The following GLIPR1 variants were observed in gnomAD, a reference collection of about 807,000 sequenced individuals.
GLIPR1 encodes GLI pathogenesis related 1.
Under a neutral mutation model 30.3 loss-of-function variants are expected in GLIPR1, and 38 were observed. That is an observed-to-expected ratio of 1.26 (90% CI 0.97 to 1.65). The LOEUF (loss-of-function observed/expected upper bound fraction) is 1.65. Among genes scored for constraint, GLIPR1 ranks in the 40% most tolerant of loss-of-function variants. The probability of loss-of-function intolerance (pLI) is 0.00; values close to 1 mark genes in which losing one functional copy is unlikely to be tolerated. For missense variants in GLIPR1, 285 were observed against 326.5 expected, an observed-to-expected ratio of 0.87 and a Z score of 0.98; for synonymous variants, 122 against 110.6, an observed-to-expected ratio of 1.10 and a Z score of -0.65.
chr12:75,490,457 A>C lies in GLIPR1; in HGVS notation c.472A>C (p.Lys158Gln). 1 of 1,595,828 alleles carries C rather than the reference A, an allele frequency of 6.3e-7. No homozygotes were observed. The highest frequency in any genetic ancestry group is 8.6e-7 in the Non-Finnish European group (1 of 1,169,440). ...TGGCTGCGCAGTTCAATTTTGCCCT[A>C]AAGTTTCTGGCTTTGACGCTCTTTC... ...KVGCAVQFCPKVSGFDALSNG... is the reference protein window; with the variant it reads ...KVGCAVQFCPQVSGFDALSNG... The change falls in exon 3 of 6, where the codon AAA (lysine) becomes CAA (glutamine). Residue 158 changes from lysine to glutamine, a missense_variant. Transcript: ENST00000266659.
At position 75,501,851 on chromosome 12, in the gene GLIPR1, G is replaced by C; in HGVS notation, c.*2873G>C. The C allele has an allele frequency of 1.3e-6, 2 of 1,566,618 alleles. No homozygotes were observed. Among genetic ancestry groups the C allele is most frequent in the South Asian group, 2.3e-5 (2 of 88,764 alleles). ...TAAATAAAAAATATATCAGTTAAATGTATTTATAGTTAAATAATTCAAGTA... is the reference window on the plus strand; with the variant it reads ...TAAATAAAAAATATATCAGTTAAATCTATTTATAGTTAAATAATTCAAGTA... On this transcript the variant is annotated 3_prime_UTR_variant, in exon 6 of 6. Coordinates refer to ENST00000266659, the MANE Select transcript of GLIPR1 (RefSeq NM_006851.3).
At position 75,482,063 on chromosome 12, in the gene GLIPR1, G is replaced by C. The variant is rs1249408984; in HGVS notation, c.404G>C (p.Cys135Ser). The C allele has an allele frequency of 6.2e-7, 1 of 1,613,842 alleles. No homozygotes were observed. The highest frequency in any genetic ancestry group is 1.7e-5 in the Admixed American group (1 of 60,018). ...AAGACTCGGATATGCAAAAAAGTCT[G>C]TGGCCACTACACTCAGGTAAGGATC... ...DFKTRICKKV[C>S]GHYTQVVWAD... Residue 135 changes from cysteine to serine, a missense_variant, in exon 2 of 6, where the codon TGT becomes TCT. Coordinates refer to ENST00000266659, the MANE Select transcript of GLIPR1 (RefSeq NM_006851.3).
chr12:75,490,691 T>C (rs956660649), intron 3 of GLIPR1, among the ~76,000 whole-genome samples, 173 bp downstream of exon 3: 1 of 151,824 alleles, frequency 6.6e-6, no homozygotes, highest in Non-Finnish European at 1.5e-5. Flanking sequence ...ATATACTTAA[T>C]TAACATTCTG....
intron 4 of GLIPR1, chr12:75,497,769 G>C (rs2046360161): frequency 6.6e-6 from 1 of 152,100 alleles, no homozygotes; most frequent in African/African-American, 2.4e-5. Flanking sequence ...AAATACCCTT[G>C]GAGGCCAAAT....
At chr12:75,486,476 T>C (rs2046294507) in intron 2 of GLIPR1, among the ~76,000 whole-genome samples, 1 of 152,206 alleles carries the variant, frequency 6.6e-6, no homozygotes. Flanking sequence ...CCTCATTTAA[T>C]AGATAAGGAA....
chr12:75,499,987 T>G lies in GLIPR1; in HGVS notation c.*1009T>G. 1 of 1,514,958 alleles carries G rather than the reference T, an allele frequency of 6.6e-7. No individual in the cohort carries two copies. The highest frequency in any genetic ancestry group is 1.4e-5 in the African/African-American group (1 of 70,360). 93.8% of individuals were successfully genotyped at this position (1,514,958 alleles called of 1,614,324 possible). On this transcript the variant is annotated 3_prime_UTR_variant, in exon 6 of 6. Coordinates refer to ENST00000266659, the MANE Select transcript of GLIPR1 (RefSeq NM_006851.3). ...TAAAAGCACAACACATGTAATACTT[T>G]AGATTTTACCAAGTAAAACAAAGAA...
At chr12:75,495,414 G>T (rs1486050585) in intron 3 of GLIPR1, 163 bp from the exon 4 acceptor site, 1 of 570,286 alleles carries the variant, frequency 1.8e-6, no homozygotes, top group Non-Finnish European at 3.2e-6. Context: ...GCAAATATTA[G>T]CAGCCTTCCA....
chr12:75,497,221 A>G (rs1257845544), intron 4 of GLIPR1: 1 of 152,184 alleles, frequency 6.6e-6, no homozygotes. Flanking sequence ...TTAAAAATCT[A>G]GGCAATTAGT....
Position 75,480,998 on chromosome 12 carries a change from A to G in GLIPR1, c.118A>G (p.Ile40Val), listed in dbSNP as rs144436831. The change falls in exon 1 of 6, where the codon ATC becomes GTC. Residue 40 changes from isoleucine (I) to valine (V), a missense_variant. Coordinates refer to ENST00000266659, the MANE Select transcript of GLIPR1 (RefSeq NM_006851.3). ...AGATTTCATCAAAGACTGCGTTCGAATCCATAACAAGTTCCGATCAGAGGT... is the reference window on the plus strand; with the variant it reads ...AGATTTCATCAAAGACTGCGTTCGAGTCCATAACAAGTTCCGATCAGAGGT... ...NEDFIKDCVR[I>V]HNKFRSEVKP... 4.5e-5 allele frequency: 73 copies of G among 1,614,050 alleles called. No individual in the cohort carries two copies. The African/African-American group carries it at 9.2e-4, about 20-fold the overall frequency.
At chr12:75,487,418 T>C (rs1199995560) in intron 2 of GLIPR1, among the ~76,000 whole-genome samples, 1 of 152,206 alleles carries the variant, frequency 6.6e-6, no homozygotes, top group African/African-American at 2.4e-5. Flanking sequence ...TTAACAACCC[T>C]TATAAAACTG....
Position 75,502,040 on chromosome 12 carries a change from T to C in GLIPR1, c.*3062T>C, listed in dbSNP as rs2046398184. The C allele has an allele frequency of 1.3e-6, 2 of 1,524,052 alleles. No homozygotes were observed. The highest frequency in any genetic ancestry group is 2.3e-5 in the East Asian group (1 of 44,324). 94.4% of individuals were successfully genotyped at this position (1,524,052 alleles called of 1,614,324 possible). On this transcript the variant is annotated 3_prime_UTR_variant, in exon 6 of 6. Transcript: ENST00000266659. Reference sequence around the variant, plus strand: ...ATTTACAATTACATCAGAAATAATGTAGAGGAGAAGTCATGTCCTAAGCAA... The same window carrying C: ...ATTTACAATTACATCAGAAATAATGCAGAGGAGAAGTCATGTCCTAAGCAA...
At chr12:75,481,234 G>C in intron 1 of GLIPR1, 180 bp downstream of exon 1, 1 of 437,614 alleles carries the variant, frequency 2.3e-6, no homozygotes, top group Non-Finnish European at 4.0e-6. Flanking sequence ...CCCAACTGTT[G>C]TTATAAGCAA....
At chr12:75,485,158 C>A (rs1019051444) in intron 2 of GLIPR1, among the ~76,000 whole-genome samples, 1 of 152,154 alleles carries the variant, frequency 6.6e-6, no homozygotes. Flanking sequence ...CTTCAAAAAT[C>A]GAGCTATTTG....
chr12:75,484,279 A>G (rs11180547), intron 2 of GLIPR1: 49,792 of 152,076 alleles, frequency 0.33, 8,861 homozygotes, highest in East Asian at 0.46. Context: ...GGGAAGATAG[A>G]GCAGCAGCAA....
intron 1 of GLIPR1, 164 bp downstream of exon 1, chr12:75,481,218 TGTCTA>T (rs1245373447): frequency 2.0e-6 from 1 of 504,262 alleles, no homozygotes; most frequent in African/African-American, 2.0e-5. Flanking sequence ...AGTTTAGCTC[TGTCTA>T]CCCAACTGTT....
intron 4 of GLIPR1, 200 bp from the exon 5 acceptor site, chr12:75,498,494 G>GT: frequency 1.9e-6 from 1 of 521,392 alleles, no homozygotes; most frequent in East Asian, 3.0e-5. Flanking sequence ...GGTTTATAAA[G>GT]TTTATGTAAA....
intron 1 of GLIPR1, 143 bp from the exon 2 acceptor site, chr12:75,481,691 C>A: frequency 1.4e-6 from 1 of 720,046 alleles, no homozygotes; most frequent in Non-Finnish European, 2.4e-6. Context: ...CTACTCAGTG[C>A]TTGAAGACCA....
rs569157020 is a variant in GLIPR1, at chr12:75,498,662, AT to A, written c.620-24del. The A allele has an allele frequency of 1.5e-4, 239 of 1,585,560 alleles. 1 individual carries two copies. The highest frequency in any genetic ancestry group is 6.4e-4 in the South Asian group (58 of 90,472). ...ACTCTCAACTGTGTCTACCCTTTTA[AT>A]TTTTTTTCTTTCTTCCCCCTAACTT... On this transcript the variant is annotated intron_variant, in intron 4 of 5. Coordinates refer to ENST00000266659, the MANE Select transcript of GLIPR1 (RefSeq NM_006851.3).
At chr12:75,491,834 T>C (rs1291837325) in intron 3 of GLIPR1, 1 of 152,180 alleles carries the variant, frequency 6.6e-6, no homozygotes, top group Non-Finnish European at 1.5e-5. Flanking sequence ...ATTTGCAATA[T>C]ATATAATGAT....
Sources: allele counts gnomAD v4.1 joint callset (sites outside exome capture counted in the v4.1 genomes callset), GRCh38; gene constraint gnomAD v4.1.1; transcripts MANE v1.5; gene names NCBI Gene and HGNC (gene_info 2026-07-23, HGNC 2026-07-21).